Variants in KLHL1 observed in about 807,000 individuals in gnomAD.
KLHL1 encodes the protein kelch like family member 1.
KLHL1 carries 47 observed loss-of-function variants against 77.7 expected under a neutral mutation model. The ratio of observed to expected loss-of-function variants is 0.60; its 90% CI spans 0.48 to 0.77. KLHL1 has a LOEUF of 0.77. KLHL1 is among the 30% of genes least tolerant of loss of function. The pLI is 0.00. For missense variants in KLHL1, 925 were observed against 910.8 expected (o/e 1.02, Z -0.20); for synonymous variants, 360 against 325.2 (o/e 1.11, Z -1.15).
At chr13:69,816,562 A>T (rs1396875999) in intron 6 of KLHL1, among the ~76,000 whole-genome samples, 1 of 151,996 alleles carries the variant, frequency 6.6e-6, no homozygotes, top group Non-Finnish European at 1.5e-5. Flanking sequence ...CTGGCCTGGA[A>T]GTTGAATTTT....
intron 1 of KLHL1, among the ~76,000 whole-genome samples, chr13:70,027,652 G>GTTTTT (rs10667717): frequency 6.6e-5 from 9 of 135,838 alleles, no homozygotes; most frequent in East Asian, 2.2e-4. Context: ...AATGTAAGTT[G>GTTTTT]TTTTTTTTTT....
intron 1 of KLHL1, among the ~76,000 whole-genome samples, chr13:70,068,842 G>A (rs1887074259): frequency 6.6e-6 from 1 of 152,106 alleles, no homozygotes; most frequent in Non-Finnish European, 1.5e-5. Flanking sequence ...ATGTCTTAGG[G>A]GCTCAGTCTC....
At chr13:69,994,532 G>A (rs1766497746) in intron 1 of KLHL1, among the ~76,000 whole-genome samples, 1 of 152,048 alleles carries the variant, frequency 6.6e-6, no homozygotes, top group Admixed American at 6.6e-5. Flanking sequence ...TATGCCCAAA[G>A]GGAAAATCAC....
chr13:69,781,285 C>CTTTTTTTTTTTTTTTTTTTTTTTT (rs869083780), intron 7 of KLHL1, among the ~76,000 whole-genome samples: 4 of 119,708 alleles, frequency 3.3e-5, no homozygotes, highest in African/African-American at 6.4e-5. Flanking sequence ...TTTTTTCTTT[C>CTTTTTTTTTTTTTTTTTTTTTTTT]TTTTTTTTTT....
At chr13:69,855,403 G>A (rs945665216) in intron 5 of KLHL1, among the ~76,000 whole-genome samples, 10 of 151,960 alleles carry the variant, frequency 6.6e-5, no homozygotes, top group Non-Finnish European at 1.3e-4. Context: ...GAGATAGATA[G>A]AGATACAGAT....
At position 70,096,646 on chromosome 13, in the gene KLHL1, G is replaced by GTTT. The variant is rs5804473; in HGVS notation, c.497+10554_497+10556dup. On this transcript the variant is annotated intron_variant, in intron 1 of 10. Coordinates refer to ENST00000377844, the MANE Select transcript of KLHL1 (RefSeq NM_020866.3). ...TCAGGAATATTTTATAAAGTTAGCT[G>GTTT]TTTTTTTTTTAAAGAAATCTTAGCA... 2.6e-3 allele frequency among the ~76,000 whole-genome samples: 380 copies of GTTT among 148,652 alleles called. 4 individuals are homozygous for GTTT. Among genetic ancestry groups the GTTT allele is most frequent in the African/African-American group, 8.6e-3 (352 of 40,816 alleles).
At chr13:69,817,830 T>C (rs112334479) in intron 6 of KLHL1, among the ~76,000 whole-genome samples, 1 of 152,216 alleles carries the variant, frequency 6.6e-6, no homozygotes, top group Non-Finnish European at 1.5e-5. Context: ...ATGGTAGGCC[T>C]TTTATCATAG....
At chr13:70,034,515 A>G (rs1886191685) in intron 1 of KLHL1, among the ~76,000 whole-genome samples, 1 of 152,210 alleles carries the variant, frequency 6.6e-6, no homozygotes, top group Non-Finnish European at 1.5e-5. Flanking sequence ...TGTCATGGCA[A>G]CTGTATTTAT....
chr13:69,895,663 G>T (rs979888414), intron 4 of KLHL1, among the ~76,000 whole-genome samples: 6 of 150,932 alleles, frequency 4.0e-5, no homozygotes, highest in Non-Finnish European at 7.4e-5. Flanking sequence ...TGCTGGCAAG[G>T]TTCCTTAATT....
At chr13:69,801,040 A>G (rs1005759319) in intron 6 of KLHL1, among the ~76,000 whole-genome samples, 13 of 152,228 alleles carry the variant, frequency 8.5e-5, no homozygotes, top group African/African-American at 3.1e-4. Flanking sequence ...TGCGTAGAAT[A>G]TACATTATTC....
chr13:69,720,097 C>T (rs1207365172), intron 8 of KLHL1, among the ~76,000 whole-genome samples: 1 of 152,002 alleles, frequency 6.6e-6, no homozygotes, highest in Non-Finnish European at 1.5e-5. Context: ...CTTTCTTACT[C>T]AGTGCCTATA....
At chr13:70,036,435 T>G (rs1052659870) in intron 1 of KLHL1, among the ~76,000 whole-genome samples, 2 of 152,008 alleles carry the variant, frequency 1.3e-5, no homozygotes, top group East Asian at 3.8e-4. Flanking sequence ...GTCCCAAATA[T>G]AATAACTATC....
At chr13:69,991,152 G>T (rs908795271) in intron 1 of KLHL1, among the ~76,000 whole-genome samples, 1 of 151,984 alleles carries the variant, frequency 6.6e-6, no homozygotes, top group Non-Finnish European at 1.5e-5. Flanking sequence ...CACAGCTAAG[G>T]CATTGTGAAG....
At chr13:69,748,526 C>T (rs967088569) in intron 7 of KLHL1, among the ~76,000 whole-genome samples, 21 of 151,980 alleles carry the variant, frequency 1.4e-4, no homozygotes, top group African/African-American at 5.1e-4. Flanking sequence ...CCCTGGGTCC[C>T]TCCCATAACA....
At chr13:69,794,139 GA>G (rs1401752461) in intron 7 of KLHL1, among the ~76,000 whole-genome samples, 1 of 152,120 alleles carries the variant, frequency 6.6e-6, no homozygotes, top group Non-Finnish European at 1.5e-5. Flanking sequence ...CCACAGATAA[GA>G]AAGAAAATCT....
chr13:70,094,393 T>TTATATTTATATATATATATATATA (rs1887739129), intron 1 of KLHL1, among the ~76,000 whole-genome samples: 1 of 137,148 alleles, frequency 7.3e-6, no homozygotes, highest in African/African-American at 3.2e-5. Flanking sequence ...GCAATCATCT[T>TTATATTTATATATATATATATATA]TATATATATA....
intron 1 of KLHL1, among the ~76,000 whole-genome samples, chr13:69,989,027 C>A (rs1884951781): frequency 6.6e-6 from 1 of 152,056 alleles, no homozygotes; most frequent in Admixed American, 6.6e-5. Context: ...ACGATGAAAT[C>A]TTTGAGAGTT....
chr13:69,740,649 T>A, intron 7 of KLHL1, 93 bp from the exon 8 acceptor site: 1 of 831,092 alleles, frequency 1.2e-6, no homozygotes, highest in Non-Finnish European at 1.8e-6. Context: ...ATGTTAAGTG[T>A]CCCTAACATA....
At chr13:70,044,801 G>C (rs73516783) in intron 1 of KLHL1, among the ~76,000 whole-genome samples, 5,251 of 152,234 alleles carry the variant, frequency 0.034, 175 homozygotes, top group African/African-American at 0.081. Context: ...TCATTAAGAA[G>C]AAATGTTCCT....
Sources: gnomAD v4.1 joint callset for allele counts (sites outside exome capture counted in the v4.1 genomes callset) on GRCh38, gnomAD v4.1.1 for gene constraint, MANE v1.5 for transcripts, NCBI Gene and HGNC (gene_info 2026-07-23, HGNC 2026-07-21) for gene names.